Variants in PGRMC2 observed in about 807,000 individuals in gnomAD.
PGRMC2 encodes progesterone receptor membrane component 2, also known as membrane-associated progesterone receptor component 2.
A neutral mutation model predicts 19.3 loss-of-function variants in PGRMC2; 9 were observed. The ratio of observed to expected loss-of-function variants is 0.47; its 90% CI spans 0.28 to 0.81. The LOEUF is 0.81. Ranked by LOEUF, PGRMC2 falls within the 40% of genes least tolerant of loss-of-function variation. The pLI is 0.11. For synonymous variants in PGRMC2, 157 were observed against 124.6 expected (o/e 1.26, Z -1.73); for missense variants, 289 against 297.3 (o/e 0.97, Z 0.21).
At chr4:128,280,633 G>T (rs1313940504) in intron 1 of PGRMC2, among the ~76,000 whole-genome samples, 2 of 152,080 alleles carry the variant, frequency 1.3e-5, no homozygotes, top group Admixed American at 1.3e-4. Context: ...TTGAGACAGG[G>T]TCTTGCTCTG....
chr4:128,280,542 G>A (rs999466192), intron 1 of PGRMC2, among the ~76,000 whole-genome samples: 1 of 151,900 alleles, frequency 6.6e-6, no homozygotes. Context: ...ACTACAAGCC[G>A]ACTCCTCACC....
rs1261447144 is a variant in PGRMC2 at position 128,270,905 on chromosome 4, G to C, written c.*411C>G. On this transcript the variant is annotated 3_prime_UTR_variant, in exon 3 of 3. Transcript: ENST00000296425. ...AAATAAAAACACAGTATGTGACACA[G>C]GAGTCCCTTGATGTTTCTTGAGGAG... 1 of 154,000 alleles carries C rather than the reference G, an allele frequency of 6.5e-6. No homozygotes were observed. The highest frequency in any genetic ancestry group is 1.4e-5 in the Non-Finnish European group (1 of 69,522). The allele number at this position is 154,000 out of a possible 1,614,324, so 9.5% of individuals were successfully genotyped here.
In PGRMC2 at chr4:128,273,079, A is replaced by G. The variant is rs376026759; in HGVS notation, c.419-562T>C. ...TAGTTCAGTGCTCAACACGCATTTA[A>G]TAAATCTTTGCTGAGTGGTTTAATA... is the stretch of plus-strand genomic sequence containing the variant. On this transcript the variant is annotated intron_variant, in intron 1 of 2. Transcript: ENST00000296425. The G allele has an allele frequency of 2.6e-5, 4 of 152,308 alleles. No homozygotes were observed. In the South Asian group the frequency reaches 8.3e-4, roughly 32 times the overall value. The allele number at this position is 152,308 out of a possible 1,614,324, so 9.4% of individuals were successfully genotyped here.
At chr4:128,281,414 C>T (rs1945923055) in intron 1 of PGRMC2, among the ~76,000 whole-genome samples, 1 of 151,820 alleles carries the variant, frequency 6.6e-6, no homozygotes, top group Admixed American at 6.6e-5. Flanking sequence ...GGATAGTCAT[C>T]TATAGCAAAA....
chr4:128,287,553 G>GA lies in PGRMC2; in HGVS notation c.237dup (p.Leu80SerfsTer70). 4 of 444,768 alleles carry GA rather than the reference G, an allele frequency of 9.0e-6. No individual in the cohort carries two copies. The highest frequency in any genetic ancestry group is 3.9e-5 in the Admixed American group (1 of 25,808). The allele number at this position is 444,768 out of a possible 1,614,324, so 27.6% of individuals were successfully genotyped here. ...TCGCCCGCCCCGGCCCCGGCCCCCA[G>GA]ACCCCGCCGCCCCCAGCGCACCCAC... On this transcript the variant is annotated frameshift_variant, in exon 1 of 3. Coordinates refer to ENST00000296425, the MANE Select transcript of PGRMC2 (RefSeq NM_006320.6). LOFTEE classifies it high-confidence loss of function.
At chr4:128,281,237 C>T (rs1241087582) in intron 1 of PGRMC2, among the ~76,000 whole-genome samples, 1 of 152,166 alleles carries the variant, frequency 6.6e-6, no homozygotes, top group Non-Finnish European at 1.5e-5. Flanking sequence ...CAACATATGA[C>T]TATGTACAAC....
intron 1 of PGRMC2, among the ~76,000 whole-genome samples, chr4:128,274,384 G>A (rs1185132955): frequency 5.9e-5 from 9 of 152,056 alleles, no homozygotes; most frequent in Admixed American, 3.9e-4. Flanking sequence ...GGTGGCGCAC[G>A]CCTGTAATCC....
At chr4:128,286,188 G>C (rs1760980512) in intron 1 of PGRMC2, among the ~76,000 whole-genome samples, 1 of 151,756 alleles carries the variant, frequency 6.6e-6, no homozygotes, top group African/African-American at 2.4e-5. Context: ...TTAAGGCTTG[G>C]AGGTACTCTC....
chr4:128,281,329 T>C (rs1446129998), intron 1 of PGRMC2, among the ~76,000 whole-genome samples: 1 of 152,198 alleles, frequency 6.6e-6, no homozygotes, highest in Non-Finnish European at 1.5e-5. Flanking sequence ...CAGTAAAGTA[T>C]CTTAAAGAGG....
At chr4:128,272,577 G>C in intron 1 of PGRMC2, 60 bp from the exon 2 acceptor site, 3 of 481,096 alleles carry the variant, frequency 6.2e-6, no homozygotes, top group Non-Finnish European at 2.8e-6. Context: ...TGTCTCAAAG[G>C]AAAAAGTAAA....
At chr4:128,281,884 C>T (rs1760915380) in intron 1 of PGRMC2, among the ~76,000 whole-genome samples, 1 of 152,164 alleles carries the variant, frequency 6.6e-6, no homozygotes, top group Non-Finnish European at 1.5e-5. Context: ...CACTTCAGAA[C>T]ATTCTCATAC....
In PGRMC2 at chr4:128,276,999, T is replaced by C. The variant is rs530053456; in HGVS notation, c.419-4482A>G. Among the ~76,000 whole-genome samples the C allele has an allele frequency of 3.2e-4, 49 of 152,138 alleles. 1 individual carries two copies. Among genetic ancestry groups the C allele is most frequent in the Non-Finnish European group, 7.4e-5 (5 of 67,998 alleles). On this transcript the variant is annotated intron_variant, in intron 1 of 2. Coordinates refer to ENST00000296425, the MANE Select transcript of PGRMC2 (RefSeq NM_006320.6). ...GTGAAACCCAGTATCTACTAAAAAA[T>C]ACAAAAAATTAGTCGGGCATGGTAG...
At chr4:128,283,959 CTTTATTTTTTTATT>C (rs1244253212) in intron 1 of PGRMC2, among the ~76,000 whole-genome samples, 1 of 140,396 alleles carries the variant, frequency 7.1e-6, no homozygotes, top group Admixed American at 7.7e-5. Context: ...CGTGCCTGGC[CTTTATTTTTTTATT>C]TTTATTTTTT....
intron 1 of PGRMC2, among the ~76,000 whole-genome samples, chr4:128,282,059 A>G (rs1760917167): frequency 6.6e-6 from 1 of 152,206 alleles, no homozygotes; most frequent in Admixed American, 6.5e-5. Flanking sequence ...AGCATATTAC[A>G]GATTATAATT....
chr4:128,276,087 C>T (rs1219004735), intron 1 of PGRMC2, among the ~76,000 whole-genome samples: 1 of 152,116 alleles, frequency 6.6e-6, no homozygotes, highest in African/African-American at 2.4e-5. Flanking sequence ...ATGGGTTATT[C>T]TGAGGAAGGA....
At chr4:128,275,725 A>C (rs557073685) in intron 1 of PGRMC2, among the ~76,000 whole-genome samples, 1 of 151,950 alleles carries the variant, frequency 6.6e-6, no homozygotes, top group Admixed American at 6.6e-5. Context: ...CATTAAAAAA[A>C]TTTTTTTTGT....
chr4:128,277,227 T>C (rs1476560468), intron 1 of PGRMC2, among the ~76,000 whole-genome samples: 2 of 152,154 alleles, frequency 1.3e-5, no homozygotes, highest in Non-Finnish European at 2.9e-5. Flanking sequence ...CTAGTCAGAA[T>C]TCAGATTTCA....
chr4:128,283,633 G>A (rs1303845923), intron 1 of PGRMC2, among the ~76,000 whole-genome samples: 1 of 150,890 alleles, frequency 6.6e-6, no homozygotes, highest in East Asian at 1.9e-4. Flanking sequence ...ACCATTTTGG[G>A]CAGTATAACA....
intron 1 of PGRMC2, among the ~76,000 whole-genome samples, chr4:128,285,645 T>G (rs1237672160): frequency 1.3e-5 from 2 of 152,210 alleles, no homozygotes; most frequent in African/African-American, 2.4e-5. Context: ...ATTAAAAATT[T>G]AAACCTGTAC....
Sources: gnomAD v4.1 joint callset for allele counts (sites outside exome capture counted in the v4.1 genomes callset) on GRCh38, gnomAD v4.1.1 for gene constraint, MANE v1.5 for transcripts, NCBI Gene and HGNC (gene_info 2026-07-23, HGNC 2026-07-21) for gene names.